The following ACOT13 variants were observed in gnomAD, a reference collection of about 807,000 sequenced individuals.
The protein encoded by ACOT13 is acyl-coenzyme A thioesterase 13.
Under a neutral mutation model 11.8 loss-of-function variants are expected in ACOT13, and 10 were observed. The observed-to-expected ratio is 0.85, with a 90% confidence interval of 0.53 to 1.44. The LOEUF (loss-of-function observed/expected upper bound fraction) is 1.44. Ranked by LOEUF, ACOT13 falls within the 40% of genes most tolerant of loss-of-function variation. The pLI, the probability that ACOT13 is intolerant of heterozygous loss-of-function variation, is 0.00. For missense variants in ACOT13, 172 were observed against 174.1 expected, an observed-to-expected ratio of 0.99 and a Z score of 0.07; for synonymous variants, 53 against 61.0, an observed-to-expected ratio of 0.87 and a Z score of 0.61.
chr6:24,687,896 G>A (rs2127625730), intron 1 of ACOT13, among the ~76,000 whole-genome samples: 1 of 151,936 alleles, frequency 6.6e-6, no homozygotes, highest in Admixed American at 6.6e-5. Flanking sequence ...ATTTTTAGCA[G>A]AGATGGGGGT....
At chr6:24,687,938 C>T (rs9461050) in intron 1 of ACOT13, among the ~76,000 whole-genome samples, 11,185 of 151,800 alleles carry the variant, frequency 0.074, 1,251 homozygotes, top group East Asian at 0.45. Context: ...GTCTCAAACT[C>T]CTGACCTCAA....
chr6:24,675,259 G>A (rs906054057), intron 1 of ACOT13, among the ~76,000 whole-genome samples: 3 of 152,190 alleles, frequency 2.0e-5, no homozygotes, highest in Non-Finnish European at 2.9e-5. Context: ...TAATGGGATG[G>A]CTGGGTCAAA....
intron 1 of ACOT13, among the ~76,000 whole-genome samples, chr6:24,676,623 C>A (rs1225029513): frequency 6.6e-6 from 1 of 152,102 alleles, no homozygotes; most frequent in Non-Finnish European, 1.5e-5. Context: ...AGATTTTGGG[C>A]TGAGATGATG....
intron 1 of ACOT13, among the ~76,000 whole-genome samples, chr6:24,697,097 A>G (rs1164540590): frequency 6.6e-6 from 1 of 152,180 alleles, no homozygotes; most frequent in Non-Finnish European, 1.5e-5. Context: ...TTTTAAATGC[A>G]TTGTTGCATA....
chr6:24,682,356 G>A lies in ACOT13; in HGVS notation c.81+15012G>A, dbSNP rs1778565362. The stretch of plus-strand genomic sequence containing the variant: ...GTTGTGGGCCACTTCCACAATGGTG[G>A]CAGGCCACTTCCAAGATGGTGGCAA... On this transcript the variant is annotated intron_variant, in intron 1 of 2. Transcript: ENST00000230048. Among the ~76,000 whole-genome samples the A allele has an allele frequency of 2.0e-5, 3 of 152,116 alleles. No individual in the cohort carries two copies. In the South Asian group the frequency reaches 6.2e-4, roughly 32 times the overall value.
At chr6:24,701,417 T>G (rs760011842) in intron 2 of ACOT13, 42 bp from the exon 3 acceptor site, 1 of 1,564,818 alleles carries the variant, frequency 6.4e-7, no homozygotes, top group South Asian at 1.2e-5. Context: ...ACTTTCCCTT[T>G]GAAAAATTAT....
At chr6:24,685,722 C>T (rs1347625867) in intron 1 of ACOT13, among the ~76,000 whole-genome samples, 1 of 151,782 alleles carries the variant, frequency 6.6e-6, no homozygotes. Flanking sequence ...CCCCGAGGGA[C>T]ATTGGCAAAG....
intron 2 of ACOT13, among the ~76,000 whole-genome samples, chr6:24,699,286 T>TGCA (rs1301838360): frequency 6.7e-6 from 1 of 148,506 alleles, no homozygotes; most frequent in East Asian, 2.0e-4. Context: ...CTCGGCTCAC[T>TGCA]GCAAGCTCCG....
intron 1 of ACOT13, chr6:24,687,404 G>C (rs1348821471): frequency 2.5e-6 from 3 of 1,205,704 alleles, no homozygotes; most frequent in Non-Finnish European, 3.1e-6. Context: ...TTCTCCCACA[G>C]TAACACGTGG....
chr6:24,679,788 A>G (rs182010365), intron 1 of ACOT13, among the ~76,000 whole-genome samples: 3 of 152,368 alleles, frequency 2.0e-5, no homozygotes, highest in East Asian at 1.9e-4. Flanking sequence ...CAGTAACATT[A>G]TATCTCTCCA....
At chr6:24,669,412 A>T (rs1302885374) in intron 1 of ACOT13, among the ~76,000 whole-genome samples, 3 of 152,218 alleles carry the variant, frequency 2.0e-5, no homozygotes, top group Admixed American at 6.5e-5. Context: ...TCAGATACAC[A>T]TTTATCTCAA....
Position 24,703,660 on chromosome 6 carries a change from CATAGTT to C in ACOT13, c.*2047_*2052del, listed in dbSNP as rs561111399. 6 of 152,306 alleles carry C rather than the reference CATAGTT, an allele frequency of 3.9e-5. No individual in the cohort carries two copies. Among genetic ancestry groups the C allele is most frequent in the Admixed American group, 3.9e-4 (6 of 15,298 alleles). The allele number at this position is 152,306 out of a possible 1,614,324, so 9.4% of individuals were successfully genotyped here. ...TGGAAAATCACTATTTTGTAACCAT[CATAGTT>C]AAAGACTGGTTTGGGTTTTAGTCTG... is the stretch of plus-strand genomic sequence containing the variant. On this transcript the variant is annotated 3_prime_UTR_variant, in exon 3 of 3. Transcript: ENST00000230048.
At chr6:24,687,976 G>A (rs1467096318) in intron 1 of ACOT13, among the ~76,000 whole-genome samples, 1 of 151,890 alleles carries the variant, frequency 6.6e-6, no homozygotes, top group Non-Finnish European at 1.5e-5. Flanking sequence ...GCCTCCCAAA[G>A]TGCTAGGATT....
rs1334243625 is a variant in ACOT13, at chr6:24,702,852, A to C, written c.*1237A>C. ...ATGCAGATCTCAAACCTCCAAGTCT[A>C]TAGTATTGAAAAGACCAAGTTCACT... On this transcript the variant is annotated 3_prime_UTR_variant, in exon 3 of 3. Transcript: ENST00000230048. 1 of 152,118 alleles carries C rather than the reference A, an allele frequency of 6.6e-6. No individual in the cohort carries two copies. Among genetic ancestry groups the C allele is most frequent in the Non-Finnish European group, 1.5e-5 (1 of 68,032 alleles). The allele number at this position is 152,118 out of a possible 1,614,324, so 9.4% of individuals were successfully genotyped here. A position where few individuals can be genotyped will look rare whatever the true frequency, so the allele number is the denominator to read the frequency against.
chr6:24,671,379 G>T (rs138967439), intron 1 of ACOT13, among the ~76,000 whole-genome samples: 1 of 151,120 alleles, frequency 6.6e-6, no homozygotes. Context: ...ACCAAATACC[G>T]CATGTTCTCA....
intron 1 of ACOT13, among the ~76,000 whole-genome samples, chr6:24,667,643 A>T (rs1049301733): frequency 6.6e-6 from 1 of 152,234 alleles, no homozygotes; most frequent in African/African-American, 2.4e-5. Context: ...GCATTGCTCC[A>T]GAGAAGAGTA....
intron 1 of ACOT13, chr6:24,687,771 T>C (rs926528): frequency 0.71 from 971,591 of 1,368,540 alleles, 348,616 homozygotes; most frequent in African/African-American, 0.91. Flanking sequence ...AGTACAATGG[T>C]ACGATCTTGG....
At chr6:24,698,985 G>A (rs2127629082) in intron 2 of ACOT13, among the ~76,000 whole-genome samples, 1 of 152,256 alleles carries the variant, frequency 6.6e-6, no homozygotes, top group South Asian at 2.1e-4. Flanking sequence ...TACATGATCA[G>A]GGAACAGTGC....
At chr6:24,683,855 A>G (rs1325921418) in intron 1 of ACOT13, among the ~76,000 whole-genome samples, 1 of 138,614 alleles carries the variant, frequency 7.2e-6, no homozygotes, top group African/African-American at 2.8e-5. Context: ...GTTTGCCCTA[A>G]GCAGTTCCCA....
Sources: gnomAD v4.1 joint callset for allele counts (sites outside exome capture counted in the v4.1 genomes callset) on GRCh38, gnomAD v4.1.1 for gene constraint, MANE v1.5 for transcripts, NCBI Gene and HGNC (gene_info 2026-07-23, HGNC 2026-07-21) for gene names.